SLC15A4: variants seen among roughly 807,000 people sequenced by gnomAD.
The protein encoded by SLC15A4 is solute carrier family 15 member 4, also known as hPHT1.
SLC15A4 carries 26 observed loss-of-function variants against 46.1 expected under a neutral mutation model. That is an observed-to-expected ratio of 0.56 (90% CI 0.41 to 0.78). The LOEUF is 0.78. Ranked by LOEUF, SLC15A4 falls within the 30% of genes least tolerant of loss-of-function variation. The pLI is 0.00. For missense variants in SLC15A4, 751 were observed against 755.7 expected (o/e 0.99, Z 0.07); for synonymous variants, 370 against 333.4 (o/e 1.11, Z -1.20).
chr12:128,820,716 T>TA (rs1350517531), intron 1 of SLC15A4, among the ~76,000 whole-genome samples: 2 of 152,232 alleles, frequency 1.3e-5, no homozygotes, highest in African/African-American at 4.8e-5. Context: ...ACTAACCAGA[T>TA]ACTGTACTTA....
At chr12:128,800,044 T>A (rs999371193) in intron 6 of SLC15A4, among the ~76,000 whole-genome samples, 1 of 152,126 alleles carries the variant, frequency 6.6e-6, no homozygotes, top group Non-Finnish European at 1.5e-5. Flanking sequence ...GGATTCACCA[T>A]GTTGGCCAGG....
chr12:128,818,698 AG>A (rs1429753242), intron 1 of SLC15A4, among the ~76,000 whole-genome samples: 1 of 152,246 alleles, frequency 6.6e-6, no homozygotes, highest in Admixed American at 6.5e-5. Flanking sequence ...AGAGATGTAC[AG>A]CCATCACTGC....
At chr12:128,821,073 CA>C (rs1412748624) in intron 1 of SLC15A4, among the ~76,000 whole-genome samples, 1 of 152,208 alleles carries the variant, frequency 6.6e-6, no homozygotes, top group Non-Finnish European at 1.5e-5. Context: ...CTCCCATTCA[CA>C]AGGCCCTCAG....
At chr12:128,822,264 T>C (rs1456545413) in intron 1 of SLC15A4, among the ~76,000 whole-genome samples, 2 of 152,260 alleles carry the variant, frequency 1.3e-5, no homozygotes, top group Non-Finnish European at 2.9e-5. Context: ...AGCAGCTTGA[T>C]GCTAACTTGA....
At position 128,814,883 on chromosome 12, in the gene SLC15A4, C is replaced by T; in HGVS notation, c.734G>A (p.Ser245Asn). 6.2e-7 allele frequency: 1 copy of T among 1,614,186 alleles called. No individual in the cohort carries two copies. The change falls in exon 2 of 8, where the codon AGC becomes AAC. Residue 245 changes from serine (S) to asparagine (N), a missense_variant. By Grantham distance (46) the Ser-to-Asn change is conservative. Coordinates refer to ENST00000266771, the MANE Select transcript of SLC15A4 (RefSeq NM_145648.4). ...LAFVVFLCGQ[S>N]VFITKPPDGS... ...ATCAGGAGGCTTGGTGATGAAAACG[C>T]TCTGGCCACAGAGGAAGACCACAAA...
At chr12:128,809,502 G>A (rs374478300) in intron 3 of SLC15A4, 29 bp from the exon 4 acceptor site, 35 of 1,453,286 alleles carry the variant, frequency 2.4e-5, no homozygotes, top group African/African-American at 1.7e-4. Flanking sequence ...ATCATTATAT[G>A]TGGACCAACT....
Position 128,809,943 on chromosome 12 carries a change from T to G in SLC15A4, c.1011A>C (p.Gln337His), listed in dbSNP as rs1388776324. 6.2e-7 allele frequency: 1 copy of G among 1,609,850 alleles called. No homozygotes were observed. The highest frequency in any genetic ancestry group is 2.2e-5 in the East Asian group (1 of 44,830). ...ATTAAACCTGTTTGTCACCACTCAC[T>G]TGGAAATACACTGTCCAGTAAGGTA... ...ALIPYWTVYF[Q>H]MQTTYVLQSL... The change falls in exon 3 of 8, where the codon CAA becomes CAC. Residue 337 changes from glutamine to histidine, a missense_variant and splice_region_variant. Physicochemically the swap from Gln to His is conservative, Grantham distance 24. Coordinates refer to ENST00000266771, the MANE Select transcript of SLC15A4 (RefSeq NM_145648.4).
At chr12:128,822,988 G>A (rs186485485) in intron 1 of SLC15A4, among the ~76,000 whole-genome samples, 288 of 152,180 alleles carry the variant, frequency 1.9e-3, no homozygotes, top group African/African-American at 6.5e-3. Context: ...ACAGGTGTGC[G>A]CCTCCACGGA....
Position 128,796,587 on chromosome 12 carries a change from TA to T in SLC15A4, c.1574-2232del, listed in dbSNP as rs1456152387. On this transcript the variant is annotated intron_variant, in intron 7 of 7. Coordinates refer to ENST00000266771, the MANE Select transcript of SLC15A4 (RefSeq NM_145648.4). Reference sequence around the variant, plus strand: ...GCTAATACCCTGAATTCTACCAGACTAAAGCTTTATTTTTTCAACAGATGTT... The same window carrying T: ...GCTAATACCCTGAATTCTACCAGACTAAGCTTTATTTTTTCAACAGATGTT... 3.9e-5 allele frequency among the ~76,000 whole-genome samples: 6 copies of T among 152,242 alleles called. No individual in the cohort carries two copies. The East Asian group carries it at 7.7e-4, about 20-fold the overall frequency.
intron 5 of SLC15A4, among the ~76,000 whole-genome samples, chr12:128,806,290 C>A (rs1955588840): frequency 6.6e-6 from 1 of 151,136 alleles, no homozygotes; most frequent in African/African-American, 2.4e-5. Context: ...CCTAAGATGA[C>A]AAGTTTGATA....
chr12:128,815,355 T>G (rs1955736909), intron 1 of SLC15A4: 1 of 360,270 alleles, frequency 2.8e-6, no homozygotes, highest in Non-Finnish European at 5.3e-6. Flanking sequence ...TCTAAGTACC[T>G]GAACCACTTG....
chr12:128,800,496 T>C (rs991771829), intron 6 of SLC15A4, among the ~76,000 whole-genome samples: 1 of 152,210 alleles, frequency 6.6e-6, no homozygotes, highest in Non-Finnish European at 1.5e-5. Context: ...TTTACGTACA[T>C]CTAAACGAAG....
At position 128,794,347 on chromosome 12, in the gene SLC15A4, TTAA is replaced by T; in HGVS notation, c.1580_1582del (p.Ile527del). On this transcript the variant is annotated inframe_deletion, in exon 8 of 8. Transcript: ENST00000266771. ...AAAGTAATAGTTCAAATAGCAGCCG[TTAA>T]TATTACCTGGAGAAAACAAAAGGAA... 1 of 1,610,942 alleles carries T rather than the reference TTAA, an allele frequency of 6.2e-7. No individual in the cohort carries two copies. The highest frequency in any genetic ancestry group is 1.7e-5 in the Admixed American group (1 of 59,202).
At chr12:128,799,197 C>T in intron 7 of SLC15A4, 62 bp downstream of exon 7, 2 of 1,593,956 alleles carry the variant, frequency 1.3e-6, no homozygotes, top group Non-Finnish European at 1.7e-6. Flanking sequence ...CAGCCATCTC[C>T]TGAGTGCCTG....
chr12:128,823,598 C>G lies in SLC15A4; in HGVS notation c.346G>C (p.Gly116Arg). 6.9e-7 allele frequency: 1 copy of G among 1,458,702 alleles called. No individual in the cohort carries two copies. Among genetic ancestry groups the G allele is most frequent in the Non-Finnish European group, 9.0e-7 (1 of 1,111,722 alleles). The allele number at this position is 1,458,702 out of a possible 1,614,324, so 90.4% of individuals were successfully genotyped here. A position where few individuals can be genotyped will look rare whatever the true frequency, so the allele number is the denominator to read the frequency against. The change falls in exon 1 of 8, where the codon GGC becomes CGC. Residue 116 changes from glycine to arginine, a missense_variant. Physicochemically the swap from Gly to Arg is moderately radical, Grantham distance 125. Transcript: ENST00000266771. ...GCCAGCAGCGGGAAGGCCAGCATGCCCAGCAGGTAGAGCGCCAGGCTCAGC... is the reference window on the plus strand; with the variant it reads ...GCCAGCAGCGGGAAGGCCAGCATGCGCAGCAGGTAGAGCGCCAGGCTCAGC... ...ILLSLALYLL[G>R]MLAFPLLAAP... is the part of the protein sequence containing the mutation.
rs534658046 is a variant in SLC15A4 at position 128,818,475 on chromosome 12, C to T, written c.547-3405G>A. ...GACAAATTAACCCTCGCCTGGGGCA[C>T]AACAGAGTGTACTTCAGGCCTGCAC... On this transcript the variant is annotated intron_variant, in intron 1 of 7. Coordinates refer to ENST00000266771, the MANE Select transcript of SLC15A4 (RefSeq NM_145648.4). 2.6e-5 allele frequency among the ~76,000 whole-genome samples: 4 copies of T among 152,312 alleles called. No individual in the cohort carries two copies. The South Asian group carries it at 8.3e-4, about 32-fold the overall frequency.
intron 2 of SLC15A4, 46 bp downstream of exon 2, chr12:128,814,729 C>G (rs372045411): frequency 3.2e-6 from 5 of 1,585,178 alleles, no homozygotes; most frequent in Non-Finnish European, 4.3e-6. Context: ...ATAAAGAGAT[C>G]GATAAAGTCC....
intron 1 of SLC15A4, among the ~76,000 whole-genome samples, chr12:128,822,310 C>T (rs1011096334): frequency 4.6e-5 from 7 of 152,196 alleles, no homozygotes; most frequent in African/African-American, 1.4e-4. Context: ...TCCGACCCAA[C>T]CTAGCCCGTA....
At chr12:128,801,854 A>C (rs1233377416) in intron 5 of SLC15A4, among the ~76,000 whole-genome samples, 1 of 152,230 alleles carries the variant, frequency 6.6e-6, no homozygotes, top group Non-Finnish European at 1.5e-5. Context: ...ATGAGTATGA[A>C]GAAAGGTCTG....
Sources: gnomAD v4.1 joint callset for allele counts (sites outside exome capture counted in the v4.1 genomes callset) on GRCh38, gnomAD v4.1.1 for gene constraint, MANE v1.5 for transcripts, NCBI Gene and HGNC (gene_info 2026-07-23, HGNC 2026-07-21) for gene names.